DNAH3: variants seen among roughly 807,000 people sequenced by gnomAD.
DNAH3 encodes dynein axonemal heavy chain 3, also known as axonemal beta dynein heavy chain 3.
Under a neutral mutation model 432.5 loss-of-function variants are expected in DNAH3, and 332 were observed. The ratio of observed to expected loss-of-function variants is 0.77; its 90% CI spans 0.70 to 0.84. The LOEUF is 0.84. DNAH3 is among the 40% of genes least tolerant of loss of function. DNAH3 has a pLI of 0.00. For missense variants in DNAH3, 4,861 were observed against 5,114.0 expected, an observed-to-expected ratio of 0.95 and a Z score of 1.51; for synonymous variants, 1,956 against 1,900.2, an observed-to-expected ratio of 1.03 and a Z score of -0.76.
chr16:21,079,616 C>A (rs190455071), intron 20 of DNAH3, among the ~76,000 whole-genome samples: 3 of 151,858 alleles, frequency 2.0e-5, no homozygotes, highest in Non-Finnish European at 4.4e-5. Flanking sequence ...CAGCCTGGGA[C>A]ACAGAGTGAG....
intron 18 of DNAH3, among the ~76,000 whole-genome samples, chr16:21,091,797 C>T (rs573967506): frequency 6.6e-6 from 1 of 151,640 alleles, no homozygotes; most frequent in Admixed American, 6.6e-5. Flanking sequence ...GCCTGGGTGA[C>T]AGAATAAGAC....
At chr16:20,971,034 A>T (rs1036444533) in intron 51 of DNAH3, among the ~76,000 whole-genome samples, 2 of 151,178 alleles carry the variant, frequency 1.3e-5, no homozygotes, top group Non-Finnish European at 2.9e-5. Context: ...GGTCTGACTA[A>T]TTTTTGTATT....
At chr16:21,003,915 A>G (rs888818601) in intron 41 of DNAH3, among the ~76,000 whole-genome samples, 3 of 152,228 alleles carry the variant, frequency 2.0e-5, no homozygotes, top group Non-Finnish European at 2.9e-5. Context: ...CATACTGAAG[A>G]TGGAAAGACA....
In DNAH3 at chr16:20,964,625, G is replaced by A; in HGVS notation, c.9259C>T (p.Gln3087Ter). 1.2e-6 allele frequency: 2 copies of A among 1,614,142 alleles called. No individual in the cohort carries two copies. The highest frequency in any genetic ancestry group is 1.7e-6 in the Non-Finnish European group (2 of 1,180,038). ...ATGTTCTTAATCCATTTATTGGCCTGCCCGTGAGGGTCAATCATTAAGGCC... is the reference window on the plus strand; with the variant it reads ...ATGTTCTTAATCCATTTATTGGCCTACCCGTGAGGGTCAATCATTAAGGCC... The change falls in exon 53 of 62, where the codon CAG becomes TAG. Residue 3087 changes from glutamine (Q) to a stop codon, truncating the protein, a stop_gained. Transcript: ENST00000261383. LOFTEE classifies it high-confidence loss of function.
At chr16:21,040,249 C>T (rs1221032573) in intron 32 of DNAH3, among the ~76,000 whole-genome samples, 1 of 151,744 alleles carries the variant, frequency 6.6e-6, no homozygotes, top group Non-Finnish European at 1.5e-5. Context: ...ATGAGGACAC[C>T]TCATAGCATC....
Position 21,031,042 on chromosome 16 carries a change from T to TA in DNAH3, c.5439+2dup. Reference sequence around the variant, plus strand: ...GAAAAGTCATATCAGGGTCAATACTTACCTTTTTATTGTCATCCAGAACAG... The same window carrying TA: ...GAAAAGTCATATCAGGGTCAATACTTAACCTTTTTATTGTCATCCAGAACAG... On this transcript the variant is annotated splice_region_variant and intron_variant, in intron 37 of 61. Transcript: ENST00000261383. The TA allele has an allele frequency of 6.2e-7, 1 of 1,614,120 alleles. No individual in the cohort carries two copies. The highest frequency in any genetic ancestry group is 8.5e-7 in the Non-Finnish European group (1 of 1,179,984).
At chr16:20,999,422 A>T (rs752442056) in intron 43 of DNAH3, among the ~76,000 whole-genome samples, 2 of 152,328 alleles carry the variant, frequency 1.3e-5, no homozygotes, top group African/African-American at 2.4e-5. Context: ...AGGGGCTGTT[A>T]GTTGGCAAGG....
At chr16:21,095,959 A>T (rs904721351) in intron 18 of DNAH3, among the ~76,000 whole-genome samples, 18 of 152,116 alleles carry the variant, frequency 1.2e-4, no homozygotes, top group East Asian at 1.2e-3. Flanking sequence ...TAGTAGAAAT[A>T]AGGTCTTGCT....
At chr16:20,987,890 A>G in intron 45 of DNAH3, 41 bp from the exon 46 acceptor site, 5 of 1,614,066 alleles carry the variant, frequency 3.1e-6, no homozygotes, top group Non-Finnish European at 4.2e-6. Flanking sequence ...AGGAGGGGCC[A>G]GAAACTGAGA....
At chr16:21,123,881 C>T (rs1386953471) in intron 9 of DNAH3, among the ~76,000 whole-genome samples, 1 of 152,030 alleles carries the variant, frequency 6.6e-6, no homozygotes, top group Non-Finnish European at 1.5e-5. Context: ...CAACCTCTGC[C>T]TCCTGGGTTC....
At chr16:21,131,874 G>T (rs1043678369) in intron 7 of DNAH3, among the ~76,000 whole-genome samples, 4 of 145,360 alleles carry the variant, frequency 2.8e-5, no homozygotes, top group African/African-American at 1.0e-4. Context: ...AAAAAAAAAA[G>T]GGGGAGAGAA....
intron 19 of DNAH3, among the ~76,000 whole-genome samples, chr16:21,085,319 G>T (rs373552771): frequency 6.6e-6 from 1 of 151,968 alleles, no homozygotes; most frequent in African/African-American, 2.4e-5. Context: ...TGAGGCGGGT[G>T]GATCACTTGA....
chr16:20,964,809 CA>C lies in DNAH3; in HGVS notation c.9074del (p.Leu3025TrpfsTer21). On this transcript the variant is annotated frameshift_variant, in exon 53 of 62. Coordinates refer to ENST00000261383, the Ensembl canonical transcript of DNAH3. LOFTEE classifies it high-confidence loss of function. ...GGATGACCTTGTCCTTACATTCAGC[CA>C]ACCACTGATTTTGGCACTGGACCCG... The C allele has an allele frequency of 6.2e-7, 1 of 1,614,098 alleles. No individual in the cohort carries two copies. Among genetic ancestry groups the C allele is most frequent in the Non-Finnish European group, 8.5e-7 (1 of 1,180,012 alleles).
intron 5 of DNAH3, among the ~76,000 whole-genome samples, chr16:21,137,376 C>T (rs1305950206): frequency 1.3e-5 from 2 of 151,342 alleles, no homozygotes; most frequent in Admixed American, 1.3e-4. Flanking sequence ...TGGCTTCTAG[C>T]TGTCAGTGGG....
intron 23 of DNAH3, among the ~76,000 whole-genome samples, chr16:21,068,834 T>G (rs2090670489): frequency 6.6e-6 from 1 of 152,030 alleles, no homozygotes; most frequent in Non-Finnish European, 1.5e-5. Flanking sequence ...AAATGACAGT[T>G]AAATAATACA....
chr16:21,015,954 A>G (rs968469228), intron 41 of DNAH3, among the ~76,000 whole-genome samples: 5 of 152,006 alleles, frequency 3.3e-5, no homozygotes, highest in African/African-American at 1.2e-4. Context: ...ATGTCCAGCT[A>G]ATTTTTGTAT....
intron 51 of DNAH3, among the ~76,000 whole-genome samples, chr16:20,974,480 T>C (rs554480646): frequency 3.0e-4 from 46 of 151,488 alleles, no homozygotes; most frequent in Non-Finnish European, 5.2e-4. Context: ...CCTAGTTCAC[T>C]ACAGCCTCAA....
At chr16:21,030,053 T>C (rs1265692806) in intron 37 of DNAH3, among the ~76,000 whole-genome samples, 1 of 152,152 alleles carries the variant, frequency 6.6e-6, no homozygotes, top group Non-Finnish European at 1.5e-5. Flanking sequence ...CTTGAACTCC[T>C]GGGCTCAAGC....
Position 21,154,948 on chromosome 16 carries a change from TTTC to T in DNAH3, c.117+4374_117+4376del, listed in dbSNP as rs1360851868. On this transcript the variant is annotated intron_variant, in intron 1 of 61. Coordinates refer to ENST00000261383, the Ensembl canonical transcript of DNAH3. ...AGTTTCTCAATCTTCTTTTTCTTTC[TTTC>T]TTTTTTTTTTTTTTTTGAGATGGAA... Among the ~76,000 whole-genome samples, 31 of 142,974 alleles carry T rather than the reference TTTC, an allele frequency of 2.2e-4. 1 individual carries two copies. The highest frequency in any genetic ancestry group is 3.5e-3 in the Middle Eastern group (1 of 282). The allele number at this position is 142,974 out of a possible 152,430, so 93.8% of individuals were successfully genotyped here.
Sources: allele counts gnomAD v4.1 joint callset (sites outside exome capture counted in the v4.1 genomes callset), GRCh38; gene constraint gnomAD v4.1.1; transcripts MANE v1.5; gene names NCBI Gene and HGNC (gene_info 2026-07-23, HGNC 2026-07-21).